PECR: variants seen among roughly 807,000 people sequenced by gnomAD.
PECR encodes 2,4-dienoyl-CoA reductase-related protein.
A neutral mutation model predicts 35.3 loss-of-function variants in PECR; 30 were observed. The ratio of observed to expected loss-of-function variants is 0.85; its 90% CI spans 0.64 to 1.15. PECR has a LOEUF of 1.15. Ranked by LOEUF, PECR falls within the 50% of genes most tolerant of loss-of-function variation. PECR has a pLI of 0.00. For missense variants in PECR, 392 were observed against 370.8 expected, an observed-to-expected ratio of 1.06 and a Z score of -0.47; for synonymous variants, 148 against 138.9, an observed-to-expected ratio of 1.07 and a Z score of -0.46.
At chr2:216,059,015 A>G in intron 3 of PECR, 39 bp from the exon 4 acceptor site, 1 of 1,259,044 alleles carries the variant, frequency 7.9e-7, no homozygotes, top group Non-Finnish European at 1.2e-6. Flanking sequence ...AAATTTTTAA[A>G]GTATCCTGGC....
chr2:216,080,632 C>A (rs1357542488), intron 1 of PECR, among the ~76,000 whole-genome samples: 1 of 152,140 alleles, frequency 6.6e-6, no homozygotes, highest in African/African-American at 2.4e-5. Flanking sequence ...TACATTCCTG[C>A]CTTCTCATTC....
intron 3 of PECR, among the ~76,000 whole-genome samples, chr2:216,059,984 C>G (rs1315831181): frequency 6.6e-6 from 1 of 152,158 alleles, no homozygotes; most frequent in African/African-American, 2.4e-5. Flanking sequence ...TTGGGAAGAA[C>G]TAACACATTA....
At chr2:216,058,011 T>C (rs1394369969) in intron 4 of PECR, 1 of 152,210 alleles carries the variant, frequency 6.6e-6, no homozygotes, top group African/African-American at 2.4e-5. Context: ...TGCCTGAGAA[T>C]GTACGCAGAC....
chr2:216,067,221 G>A lies in PECR; in HGVS notation c.125-703C>T, dbSNP rs140124910. 5.4e-3 allele frequency among the ~76,000 whole-genome samples: 828 copies of A among 152,212 alleles called. 9 individuals carry two copies. Among genetic ancestry groups the A allele is most frequent in the African/African-American group, 0.019 (786 of 41,514 alleles). On this transcript the variant is annotated intron_variant, in intron 1 of 7. Transcript: ENST00000265322. ...TAGGGAGAAAAGATATACAGAGAGC[G>A]AGAACTCCAGAGATCTGCAGAGTCT... is the stretch of plus-strand genomic sequence containing the variant.
chr2:216,066,273 T>C (rs1695463726), intron 2 of PECR, 112 bp downstream of exon 2: 4 of 888,982 alleles, frequency 4.5e-6, no homozygotes, highest in Non-Finnish European at 7.7e-6. Flanking sequence ...CTGCTTCTAG[T>C]GAGCCTCATC....
At chr2:216,055,177 C>A (rs1290583736) in intron 4 of PECR, among the ~76,000 whole-genome samples, 1 of 151,626 alleles carries the variant, frequency 6.6e-6, no homozygotes, top group African/African-American at 2.4e-5. Flanking sequence ...GTGGCTCACG[C>A]CTGTAATCTC....
rs145595512 is a variant in PECR at position 216,076,278 on chromosome 2, C to T, written c.124+5340G>A. Among the ~76,000 whole-genome samples the T allele has an allele frequency of 1.7e-3, 263 of 152,224 alleles. 1 individual carries two copies. The highest frequency in any genetic ancestry group is 6.8e-3 in the Middle Eastern group (2 of 294). ...CGTGATCTCGGCTCACTGCAACCTC[C>T]GCCTTCAGAGTTCAAGCAATTCTCA... On this transcript the variant is annotated intron_variant, in intron 1 of 7. Transcript: ENST00000265322.
intron 3 of PECR, chr2:216,063,739 CAG>C (rs1695407084): frequency 2.0e-5 from 3 of 151,878 alleles, no homozygotes; most frequent in African/African-American, 7.3e-5. Flanking sequence ...TTATTTGAAA[CAG>C]AGTCTCACTC....
chr2:216,061,959 T>C (rs1459536468), intron 3 of PECR, among the ~76,000 whole-genome samples: 1 of 148,216 alleles, frequency 6.7e-6, no homozygotes, highest in Non-Finnish European at 1.5e-5. Flanking sequence ...TTAAAACGAG[T>C]GTGTGTGAGT....
chr2:216,029,506 C>T (rs1307237252), intron 7 of PECR, among the ~76,000 whole-genome samples: 3 of 152,116 alleles, frequency 2.0e-5, no homozygotes, highest in African/African-American at 7.2e-5. Flanking sequence ...TGAGTTAGGA[C>T]GACAAAGGCA....
chr2:216,077,342 CT>C (rs1695728467), intron 1 of PECR, among the ~76,000 whole-genome samples: 1 of 146,896 alleles, frequency 6.8e-6, no homozygotes, highest in African/African-American at 2.5e-5. Context: ...CCCGTCTCTA[CT>C]AAAAATACAA....
intron 7 of PECR, among the ~76,000 whole-genome samples, chr2:216,029,859 C>T (rs921468645): frequency 6.6e-6 from 1 of 152,208 alleles, no homozygotes; most frequent in Non-Finnish European, 1.5e-5. Context: ...TCTCATGCAT[C>T]ATTTTACAAG....
intron 1 of PECR, among the ~76,000 whole-genome samples, chr2:216,070,647 C>T (rs1009509904): frequency 1.3e-4 from 20 of 152,144 alleles, no homozygotes; most frequent in African/African-American, 3.6e-4. Context: ...AAGGAAGGGG[C>T]CAGGGGAAGA....
chr2:216,070,208 T>C (rs1194087344), intron 1 of PECR, among the ~76,000 whole-genome samples: 1 of 152,200 alleles, frequency 6.6e-6, no homozygotes, highest in African/African-American at 2.4e-5. Context: ...TATACATCTA[T>C]GGGGTAAAAT....
chr2:216,052,691 T>C (rs1318518169), intron 4 of PECR, among the ~76,000 whole-genome samples: 3 of 152,200 alleles, frequency 2.0e-5, no homozygotes, highest in African/African-American at 7.2e-5. Context: ...CTTTTCTTCA[T>C]GTTTCTTGTA....
chr2:216,051,326 T>A, intron 5 of PECR, 123 bp downstream of exon 5: 1 of 679,594 alleles, frequency 1.5e-6, no homozygotes, highest in Non-Finnish European at 2.7e-6. Context: ...TTCCATTTTA[T>A]CTATGTTTTA....
intron 3 of PECR, among the ~76,000 whole-genome samples, chr2:216,064,413 C>G (rs1484257425): frequency 6.6e-6 from 1 of 152,164 alleles, no homozygotes; most frequent in Non-Finnish European, 1.5e-5. Flanking sequence ...CCTTTTTCCC[C>G]ATTCCTGTTG....
At position 216,039,050 on chromosome 2, in the gene PECR, T is replaced by A. The variant is rs972141323; in HGVS notation, c.*225A>T. 7.5e-6 allele frequency: 3 copies of A among 398,606 alleles called. No individual in the cohort carries two copies. The highest frequency in any genetic ancestry group is 2.0e-5 in the African/African-American group (1 of 49,266). The allele number at this position is 398,606 out of a possible 1,614,324, so 24.7% of individuals were successfully genotyped here. ...AATAAAAAGTAAAGTCATTAAAATA[T>A]GTTAATTTCTGTTACTTATACATTT... On this transcript the variant is annotated 3_prime_UTR_variant, in exon 8 of 8. Coordinates refer to ENST00000265322, the MANE Select transcript of PECR (RefSeq NM_018441.6).
At chr2:216,037,877 G>A (rs999623978), downstream of PECR, among the ~76,000 whole-genome samples, 4 of 151,760 alleles carry the variant, frequency 2.6e-5, no homozygotes, top group African/African-American at 9.7e-5. Flanking sequence ...TTAAGGTCAG[G>A]AGATCAAGAC....
Sources: allele counts gnomAD v4.1 joint callset (sites outside exome capture counted in the v4.1 genomes callset), GRCh38; gene constraint gnomAD v4.1.1; transcripts MANE v1.5; gene names NCBI Gene and HGNC (gene_info 2026-07-23, HGNC 2026-07-21).